The following HSD17B4 variants were observed in gnomAD, a reference collection of about 807,000 sequenced individuals.
HSD17B4 encodes peroxisomal multifunctional enzyme type 2.
HSD17B4 carries 70 observed loss-of-function variants against 101.0 expected under a neutral mutation model. The observed-to-expected ratio is 0.69, with a 90% CI of 0.57 to 0.85. The LOEUF is 0.85. HSD17B4 is among the 40% of genes least tolerant of loss of function. The probability of loss-of-function intolerance (pLI) is 0.00; values close to 1 mark genes in which losing one functional copy is unlikely to be tolerated. For synonymous variants in HSD17B4, 347 were observed against 297.1 expected, an observed-to-expected ratio of 1.17 and a Z score of -1.73; for missense variants, 984 against 892.4, an observed-to-expected ratio of 1.10 and a Z score of -1.31.
At chr5:119,474,701 G>A (rs569028550) in intron 4 of HSD17B4, among the ~76,000 whole-genome samples, 2 of 152,148 alleles carry the variant, frequency 1.3e-5, no homozygotes, top group African/African-American at 2.4e-5. Context: ...ACTTACGAGC[G>A]TTTACTCAGT....
intron 2 of HSD17B4, among the ~76,000 whole-genome samples, chr5:119,467,231 C>T (rs1336892370): frequency 1.3e-5 from 2 of 152,166 alleles, no homozygotes; most frequent in Non-Finnish European, 2.9e-5. Context: ...TGTGTATCTG[C>T]AGCTGTTGGA....
At chr5:119,531,792 T>C (rs1754138060) in intron 22 of HSD17B4, among the ~76,000 whole-genome samples, 1 of 152,156 alleles carries the variant, frequency 6.6e-6, no homozygotes, top group Non-Finnish European at 1.5e-5. Flanking sequence ...TATTTGACAG[T>C]TACAAAATTA....
intron 22 of HSD17B4, 177 bp from the exon 23 acceptor site, chr5:119,536,246 A>G (rs1192979334): frequency 1.3e-5 from 8 of 595,126 alleles, no homozygotes; most frequent in Admixed American, 2.9e-5. Context: ...TTGTATTTCT[A>G]TATTTTGCTT....
Position 119,475,830 on chromosome 5 carries a change from G to A in HSD17B4, c.309G>A (p.Leu103=). ...TACAACATTGATTTTTTAGAATTCTGAGGGATCGTTCCTTTGCTAGGATAA... is the reference window on the plus strand; with the variant it reads ...TACAACATTGATTTTTTAGAATTCTAAGGGATCGTTCCTTTGCTAGGATAA... ...IDVVVNNAGI[L]RDRSFARISD... The change falls in exon 6 of 24, where the codon CTG becomes CTA. Residue 103 remains leucine, a synonymous_variant. Coordinates refer to ENST00000510025, the MANE Select transcript of HSD17B4 (RefSeq NM_000414.4). 5.0e-6 allele frequency: 8 copies of A among 1,604,204 alleles called. No homozygotes were observed. The highest frequency in any genetic ancestry group is 6.8e-6 in the Non-Finnish European group (8 of 1,171,366).
At chr5:119,520,739 G>A (rs992668870) in intron 17 of HSD17B4, among the ~76,000 whole-genome samples, 2 of 151,714 alleles carry the variant, frequency 1.3e-5, no homozygotes, top group African/African-American at 4.8e-5. Context: ...AAGTCCATTC[G>A]AGGTCCTTCA....
intron 2 of HSD17B4, among the ~76,000 whole-genome samples, chr5:119,466,546 A>G (rs984696458): frequency 2.0e-5 from 3 of 152,100 alleles, no homozygotes; most frequent in African/African-American, 7.2e-5. Context: ...GTAGTAGGTC[A>G]TATGTCTATG....
At chr5:119,496,706 C>G (rs1383095792) in intron 12 of HSD17B4, 60 bp downstream of exon 12, 1 of 890,954 alleles carries the variant, frequency 1.1e-6, no homozygotes, top group Non-Finnish European at 1.9e-6. Context: ...TCCCTTCTTC[C>G]CTCCCTGCTT....
At chr5:119,465,299 G>C (rs1755698377) in intron 2 of HSD17B4, among the ~76,000 whole-genome samples, 2 of 152,130 alleles carry the variant, frequency 1.3e-5, no homozygotes. Context: ...ATATGGTATG[G>C]ATGTTTTTCT....
intron 17 of HSD17B4, among the ~76,000 whole-genome samples, chr5:119,516,664 A>G (rs182740521): frequency 1.0e-3 from 152 of 152,360 alleles, no homozygotes; most frequent in Non-Finnish European, 1.2e-3. Flanking sequence ...CATTTTGCAT[A>G]AAACTTTGCA....
At chr5:119,473,697 T>G (rs943735780) in intron 2 of HSD17B4, among the ~76,000 whole-genome samples, 1 of 152,172 alleles carries the variant, frequency 6.6e-6, no homozygotes, top group Non-Finnish European at 1.5e-5. Flanking sequence ...TTAAATAGTT[T>G]TGCTGTTTCT....
chr5:119,493,677 G>T (rs878984614), intron 10 of HSD17B4, 141 bp from the exon 11 acceptor site: 3 of 750,402 alleles, frequency 4.0e-6, no homozygotes, highest in Admixed American at 2.3e-5. Context: ...TCATTTTAAG[G>T]CTTATGGTAA....
chr5:119,496,211 TG>T (rs973507525), intron 11 of HSD17B4, among the ~76,000 whole-genome samples: 1 of 152,188 alleles, frequency 6.6e-6, no homozygotes, highest in Non-Finnish European at 1.5e-5. Context: ...ACAAATTGCA[TG>T]TCTATAGACA....
intron 17 of HSD17B4, among the ~76,000 whole-genome samples, chr5:119,517,864 A>G (rs1047928876): frequency 1.3e-5 from 2 of 151,984 alleles, no homozygotes; most frequent in South Asian, 2.1e-4. Flanking sequence ...GAATGCACCA[A>G]TTGATACTCT....
intron 8 of HSD17B4, among the ~76,000 whole-genome samples, chr5:119,480,811 T>A (rs893454512): frequency 1.3e-5 from 2 of 152,174 alleles, no homozygotes; most frequent in African/African-American, 2.4e-5. Context: ...GGGGGCCAGT[T>A]CAGAGACCTA....
intron 1 of HSD17B4, among the ~76,000 whole-genome samples, chr5:119,454,085 A>T (rs1754353456): frequency 6.6e-6 from 1 of 152,230 alleles, no homozygotes. Context: ...GTACACTTAC[A>T]CAAGCACATA....
At chr5:119,462,913 T>C (rs1755409862) in intron 2 of HSD17B4, among the ~76,000 whole-genome samples, 1 of 152,168 alleles carries the variant, frequency 6.6e-6, no homozygotes, top group South Asian at 2.1e-4. Context: ...TTGTTGGCCA[T>C]AATCACCCTA....
intron 8 of HSD17B4, among the ~76,000 whole-genome samples, chr5:119,480,665 G>T (rs900887106): frequency 6.6e-5 from 10 of 152,102 alleles, no homozygotes; most frequent in African/African-American, 2.2e-4. Context: ...CAGGAGACAG[G>T]GTTTTGAGAT....
intron 17 of HSD17B4, among the ~76,000 whole-genome samples, chr5:119,522,674 G>T (rs1276551863): frequency 6.6e-6 from 1 of 151,992 alleles, no homozygotes; most frequent in Non-Finnish European, 1.5e-5. Flanking sequence ...CTGTGGGGAG[G>T]TGTTTTATTT....
intron 8 of HSD17B4, among the ~76,000 whole-genome samples, chr5:119,488,662 G>A (rs1749820519): frequency 1.3e-5 from 2 of 152,108 alleles, no homozygotes; most frequent in Non-Finnish European, 2.9e-5. Context: ...TATGCAGTGG[G>A]AAATTAGTTC....
Sources: allele counts gnomAD v4.1 joint callset (sites outside exome capture counted in the v4.1 genomes callset), GRCh38; gene constraint gnomAD v4.1.1; transcripts MANE v1.5; gene names NCBI Gene and HGNC (gene_info 2026-07-23, HGNC 2026-07-21).